DIP2C: variants seen among roughly 807,000 people sequenced by gnomAD.
DIP2C encodes DIP2 acetate--CoA ligase C (putative).
In DIP2C, 33 loss-of-function variants were observed where a neutral mutation model predicts 192.4. That is an observed-to-expected ratio of 0.17 (90% CI 0.13 to 0.23). DIP2C has a LOEUF of 0.23. DIP2C is among the 10% of genes least tolerant of loss of function. DIP2C has a pLI of 1.00. For missense variants in DIP2C, 1,537 were observed against 2,110.1 expected (o/e 0.73, Z 5.32); for synonymous variants, 979 against 864.1 (o/e 1.13, Z -2.33).
At chr10:484,868 T>G in intron 2 of DIP2C, 1 of 1,611,870 alleles carries the variant, frequency 6.2e-7, no homozygotes, top group East Asian at 2.2e-5. Flanking sequence ...CACACCCCGA[T>G]GTGGGCAGAG....
At chr10:394,507 G>C (rs994413461) in intron 10 of DIP2C, among the ~76,000 whole-genome samples, 4 of 151,444 alleles carry the variant, frequency 2.6e-5, no homozygotes, top group African/African-American at 9.7e-5. Context: ...CACACAGTGG[G>C]CGCTATTCAG....
At position 326,990 on chromosome 10, in the gene DIP2C, T is replaced by C. The variant is rs1352207861; in HGVS notation, c.3924+16A>G. On this transcript the variant is annotated intron_variant, in intron 31 of 36. Coordinates refer to ENST00000280886, the MANE Select transcript of DIP2C (RefSeq NM_014974.3). ...CCACACTTCCCACTCAGCACTGTGA[T>C]GTCGCCGAATCTCACCTGCAAGCAA... 1.2e-6 allele frequency: 2 copies of C among 1,603,868 alleles called. No individual in the cohort carries two copies. The highest frequency in any genetic ancestry group is 4.5e-5 in the East Asian group (2 of 44,868).
intron 1 of DIP2C, among the ~76,000 whole-genome samples, chr10:512,317 G>C (rs1436055620): frequency 6.6e-6 from 1 of 152,196 alleles, no homozygotes; most frequent in African/African-American, 2.4e-5. Context: ...CCAGCAGTTT[G>C]GGAGGCTGAG....
At chr10:647,886 G>GACATTGGATGGTGGGAGAGA (rs1855560799) in intron 1 of DIP2C, among the ~76,000 whole-genome samples, 1 of 88,074 alleles carries the variant, frequency 1.1e-5, no homozygotes, top group Non-Finnish European at 2.3e-5. Flanking sequence ...AGTCCACGTC[G>GACATTGGATGGTGGGAGAGA]ACATTGGATG....
intron 3 of DIP2C, among the ~76,000 whole-genome samples, chr10:442,733 T>C (rs1288960915): frequency 6.6e-6 from 1 of 152,338 alleles, no homozygotes; most frequent in Admixed American, 6.5e-5. Context: ...TCAATGTATT[T>C]CCTAAACACA....
At chr10:407,193 G>A (rs1053341954) in intron 9 of DIP2C, among the ~76,000 whole-genome samples, 1 of 152,226 alleles carries the variant, frequency 6.6e-6, no homozygotes, top group African/African-American at 2.4e-5. Flanking sequence ...AAGGTGAACT[G>A]TTGGGTAGTT....
At chr10:506,899 G>A (rs1845627867) in intron 1 of DIP2C, among the ~76,000 whole-genome samples, 1 of 152,202 alleles carries the variant, frequency 6.6e-6, no homozygotes, top group Non-Finnish European at 1.5e-5. Context: ...GAGGTGTGAG[G>A]TCACAGACCT....
chr10:611,841 CACG>C (rs1853120189), intron 1 of DIP2C, among the ~76,000 whole-genome samples: 1 of 152,138 alleles, frequency 6.6e-6, no homozygotes, highest in African/African-American at 2.4e-5. Flanking sequence ...CAAATATCCC[CACG>C]ACTTCAAATA....
intron 1 of DIP2C, among the ~76,000 whole-genome samples, chr10:644,514 C>T (rs1372443208): frequency 1.3e-5 from 2 of 152,408 alleles, no homozygotes; most frequent in Admixed American, 6.5e-5. Flanking sequence ...GTCAGCAACA[C>T]GGCCCGCCGT....
At chr10:578,174 C>T (rs1023000624) in intron 1 of DIP2C, among the ~76,000 whole-genome samples, 5 of 152,302 alleles carry the variant, frequency 3.3e-5, no homozygotes, top group Admixed American at 3.3e-4. Context: ...TCCTTCCAAA[C>T]AGTACCTGAA....
At position 567,828 on chromosome 10, in the gene DIP2C, C is replaced by T. The variant is rs568067068; in HGVS notation, c.86-81298G>A. Among the ~76,000 whole-genome samples, 230 of 152,182 alleles carry T rather than the reference C, an allele frequency of 1.5e-3. 1 individual carries two copies. The highest frequency in any genetic ancestry group is 5.2e-3 in the African/African-American group (217 of 41,524). On this transcript the variant is annotated intron_variant, in intron 1 of 36. Transcript: ENST00000280886. ...GATTTTTAGTTGAGACAGGGTCTCA[C>T]CATTTTGGCCAAGCTGGTCTCGAAC...
intron 1 of DIP2C, among the ~76,000 whole-genome samples, chr10:522,891 C>T (rs1444694517): frequency 2.6e-5 from 4 of 152,032 alleles, no homozygotes; most frequent in African/African-American, 9.7e-5. Flanking sequence ...TCTGCATGAC[C>T]AACACGCTCG....
intron 1 of DIP2C, among the ~76,000 whole-genome samples, chr10:635,977 G>A (rs931377586): frequency 6.6e-6 from 1 of 152,210 alleles, no homozygotes; most frequent in Non-Finnish European, 1.5e-5. Context: ...CTGCACCCAA[G>A]TGAAGCCGTT....
chr10:344,745 C>A, intron 28 of DIP2C, 64 bp downstream of exon 28: 1 of 1,405,346 alleles, frequency 7.1e-7, no homozygotes, highest in East Asian at 2.5e-5. Flanking sequence ...CAGCACGTGA[C>A]CTGCCACCTC....
chr10:637,599 C>T (rs545424011), intron 1 of DIP2C, among the ~76,000 whole-genome samples: 437 of 152,312 alleles, frequency 2.9e-3, no homozygotes, highest in Non-Finnish European at 5.2e-3. Flanking sequence ...ACCTCCTCAC[C>T]ACCCAAAGCT....
intron 2 of DIP2C, among the ~76,000 whole-genome samples, chr10:475,260 C>T (rs868605283): frequency 1.3e-5 from 2 of 152,222 alleles, no homozygotes; most frequent in Non-Finnish European, 2.9e-5. Flanking sequence ...GTGTCTGCAT[C>T]TTGGCTTTCT....
At chr10:415,653 G>A (rs769565265) in intron 7 of DIP2C, 116 bp downstream of exon 7, 240 of 1,424,558 alleles carry the variant, frequency 1.7e-4, no homozygotes, top group Non-Finnish European at 2.0e-4. Flanking sequence ...CCCATCATGC[G>A]GCAAATGCCA....
At chr10:584,984 T>TCA (rs1031167638) in intron 1 of DIP2C, among the ~76,000 whole-genome samples, 1 of 130,082 alleles carries the variant, frequency 7.7e-6, no homozygotes, top group African/African-American at 3.0e-5. Flanking sequence ...CTCACGCGCA[T>TCA]CACCTCTCAG....
At chr10:393,506 G>C (rs544551722) in intron 10 of DIP2C, among the ~76,000 whole-genome samples, 6 of 152,198 alleles carry the variant, frequency 3.9e-5, no homozygotes, top group Non-Finnish European at 8.8e-5. Context: ...AGCCAGGCGC[G>C]ATGGCTCAGG....
Sources: allele counts gnomAD v4.1 joint callset (sites outside exome capture counted in the v4.1 genomes callset), GRCh38; gene constraint gnomAD v4.1.1; transcripts MANE v1.5; gene names NCBI Gene and HGNC (gene_info 2026-07-23, HGNC 2026-07-21).